Variants in ZNF334 observed in about 807,000 individuals in gnomAD.
The protein encoded by ZNF334 is zinc finger protein 334.
In ZNF334, 14 loss-of-function variants were observed where a neutral mutation model predicts 12.4. The observed-to-expected ratio is 1.13, with a 90% CI of 0.74 to 1.76. The LOEUF (loss-of-function observed/expected upper bound fraction) is 1.76. ZNF334 is among the 40% of genes most tolerant of loss of function. The pLI is 0.00. For synonymous variants in ZNF334, 273 were observed against 269.6 expected (o/e 1.01, Z -0.12); for missense variants, 797 against 804.5 (o/e 0.99, Z 0.11).
the ZNF334 span, among the ~76,000 whole-genome samples, chr20:46,493,965 G>C: frequency 6.6e-6 from 1 of 152,084 alleles, no homozygotes; most frequent in South Asian, 2.1e-4. Flanking sequence ...AAGACACCCA[G>C]CCTCCCTGAA....
At chr20:46,484,911 G>A in the ZNF334 span, 1 of 165,214 alleles carries the variant, frequency 6.1e-6, no homozygotes, top group South Asian at 2.1e-4. Context: ...TGGGAAGATT[G>A]AGATGTTAAT....
chr20:46,508,552 A>G (rs1000263705), intron 2 of ZNF334, among the ~76,000 whole-genome samples: 1 of 152,248 alleles, frequency 6.6e-6, no homozygotes, highest in Non-Finnish European at 1.5e-5. Flanking sequence ...AATTTGGGGC[A>G]TGTTCAGGAG....
the ZNF334 span, among the ~76,000 whole-genome samples, chr20:46,489,980 C>T: frequency 6.6e-6 from 1 of 152,064 alleles, no homozygotes; most frequent in Non-Finnish European, 1.5e-5. Flanking sequence ...TGTAGGAATG[C>T]TCAAATTTCT....
chr20:46,463,884 G>C, the ZNF334 span: 1 of 454,630 alleles, frequency 2.2e-6, no homozygotes. Context: ...CACATGCCAC[G>C]CAAGGTGGCT....
At chr20:46,467,793 T>C in the ZNF334 span, among the ~76,000 whole-genome samples, 1 of 152,212 alleles carries the variant, frequency 6.6e-6, no homozygotes, top group African/African-American at 2.4e-5. Context: ...GTAATTAAAA[T>C]ACTTAACATT....
In ZNF334 at chr20:46,503,008, C is replaced by T. The variant is rs779246788; in HGVS notation, c.331G>A (p.Glu111Lys). The change falls in exon 5 of 5, where the codon GAA becomes AAA. Residue 111 changes from glutamate to lysine, a missense_variant. Coordinates refer to ENST00000692313, the MANE Select transcript of ZNF334 (RefSeq NM_001353824.2). ...VFFSNKTLIT[E>K]RENVFGKTLN... ...GTTTTCCCAAATACATTCTCTCTTTCTGTAATCAGTGTTTTGTTGCTGAAG... is the reference window on the plus strand; with the variant it reads ...GTTTTCCCAAATACATTCTCTCTTTTTGTAATCAGTGTTTTGTTGCTGAAG... The T allele has an allele frequency of 1.2e-6, 2 of 1,613,950 alleles. No homozygotes were observed. Among genetic ancestry groups the T allele is most frequent in the Admixed American group, 3.3e-5 (2 of 59,990 alleles).
the ZNF334 span, among the ~76,000 whole-genome samples, chr20:46,479,549 G>A: frequency 6.6e-6 from 1 of 152,174 alleles, no homozygotes; most frequent in Non-Finnish European, 1.5e-5. Flanking sequence ...ATTCCATCCT[G>A]ACTCTAGTGT....
chr20:46,490,784 G>T, the ZNF334 span: 2 of 152,110 alleles, frequency 1.3e-5, no homozygotes, highest in Admixed American at 6.6e-5. Context: ...GATGTATGTT[G>T]CAGTGTCCAG....
In ZNF334 at chr20:46,501,975, T is replaced by C. The variant is rs557898116; in HGVS notation, c.1364A>G (p.His455Arg). ...ACATTCATAAGACTTCTTTCCTCTA[T>C]GAGTTATCTGATGTGCAATGAGGGC... ...KSALIAHQIT[H>R]RGKKSYECNE... is the part of the protein sequence containing the mutation. The change falls in exon 5 of 5, where the codon CAT (histidine) becomes CGT (arginine). Residue 455 changes from histidine (H) to arginine (R), a missense_variant. By Grantham distance (29) the His-to-Arg change is conservative. Coordinates refer to ENST00000692313, the MANE Select transcript of ZNF334 (RefSeq NM_001353824.2). 2 of 1,613,966 alleles carry C rather than the reference T, an allele frequency of 1.2e-6. No individual in the cohort carries two copies. Among genetic ancestry groups the C allele is most frequent in the Non-Finnish European group, 1.7e-6 (2 of 1,179,946 alleles).
chr20:46,476,616 G>A, the ZNF334 span, among the ~76,000 whole-genome samples: 1 of 152,126 alleles, frequency 6.6e-6, no homozygotes, highest in African/African-American at 2.4e-5. Flanking sequence ...TAGATTTAAT[G>A]TCTTTCTTTT....
chr20:46,489,208 T>G, the ZNF334 span, among the ~76,000 whole-genome samples: 1 of 152,154 alleles, frequency 6.6e-6, no homozygotes, highest in Non-Finnish European at 1.5e-5. Context: ...TCTACACATT[T>G]TTAATAGGAC....
the ZNF334 span, among the ~76,000 whole-genome samples, chr20:46,467,939 T>A: frequency 6.6e-6 from 1 of 152,246 alleles, no homozygotes; most frequent in Non-Finnish European, 1.5e-5. Context: ...TAGTTTTTAA[T>A]GCTAAAGTGA....
intron 4 of ZNF334, 101 bp from the exon 5 acceptor site, chr20:46,503,198 A>C: frequency 7.6e-7 from 1 of 1,317,922 alleles, no homozygotes; most frequent in Non-Finnish European, 1.0e-6. Flanking sequence ...GTTAGACTTC[A>C]GGCCAAGCCT....
At chr20:46,489,345 G>T in the ZNF334 span, among the ~76,000 whole-genome samples, 1 of 151,912 alleles carries the variant, frequency 6.6e-6, no homozygotes, top group Non-Finnish European at 1.5e-5. Flanking sequence ...ATGTAATTTT[G>T]CTATAAATGC....
At chr20:46,494,609 G>A in the ZNF334 span, among the ~76,000 whole-genome samples, 10 of 152,100 alleles carry the variant, frequency 6.6e-5, no homozygotes, top group African/African-American at 2.4e-4. Flanking sequence ...AGTGGCTATT[G>A]GGATAAAGAC....
At chr20:46,489,124 C>A in the ZNF334 span, among the ~76,000 whole-genome samples, 1 of 151,856 alleles carries the variant, frequency 6.6e-6, no homozygotes, top group African/African-American at 2.4e-5. Context: ...CTGCCCCCGA[C>A]CCCCTTCCCC....
chr20:46,498,705 ATG>A (rs1162960588), downstream of ZNF334, among the ~76,000 whole-genome samples: 1 of 152,136 alleles, frequency 6.6e-6, no homozygotes, highest in Admixed American at 6.5e-5. Context: ...TCTCCCCAAA[ATG>A]TGTGTTGAAT....
the ZNF334 span, chr20:46,474,728 T>C: frequency 6.6e-6 from 1 of 152,230 alleles, no homozygotes; most frequent in Non-Finnish European, 1.5e-5. Context: ...GTGTAAAGTA[T>C]GTGAAGTATA....
At chr20:46,479,180 G>GA in the ZNF334 span, among the ~76,000 whole-genome samples, 2 of 152,178 alleles carry the variant, frequency 1.3e-5, no homozygotes, top group Admixed American at 1.3e-4. Flanking sequence ...CTCTAGGGGG[G>GA]AACCTGTCTC....
Sources: allele counts gnomAD v4.1 joint callset (sites outside exome capture counted in the v4.1 genomes callset), GRCh38; gene constraint gnomAD v4.1.1; transcripts MANE v1.5; gene names NCBI Gene and HGNC (gene_info 2026-07-23, HGNC 2026-07-21).